The following PDE7A variants were observed in gnomAD, a reference collection of about 807,000 sequenced individuals.
PDE7A encodes phosphodiesterase 7A, also known as high affinity 3',5'-cyclic-AMP phosphodiesterase 7A.
In PDE7A, 39 loss-of-function variants were observed where a neutral mutation model predicts 64.3. The observed-to-expected ratio is 0.61, with a 90% CI of 0.47 to 0.79. PDE7A has a LOEUF of 0.79. Ranked by LOEUF, PDE7A falls within the 30% of genes least tolerant of loss-of-function variation. The probability of loss-of-function intolerance (pLI) is 0.00; values close to 1 mark genes in which losing one functional copy is unlikely to be tolerated. For synonymous variants in PDE7A, 203 were observed against 206.8 expected, an observed-to-expected ratio of 0.98 and a Z score of 0.16; for missense variants, 470 against 582.8, an observed-to-expected ratio of 0.81 and a Z score of 1.99.
At chr8:65,772,296 G>A (rs1453096827) in intron 3 of PDE7A, among the ~76,000 whole-genome samples, 1 of 152,146 alleles carries the variant, frequency 6.6e-6, no homozygotes, top group African/African-American at 2.4e-5. Context: ...ATTTCAGCAT[G>A]CATGTAAATT....
intron 5 of PDE7A, among the ~76,000 whole-genome samples, chr8:65,740,036 T>C (rs1308898853): frequency 6.6e-6 from 1 of 152,058 alleles, no homozygotes; most frequent in Non-Finnish European, 1.5e-5. Flanking sequence ...CCTTGTTAGG[T>C]GGAGAATGTG....
At chr8:65,734,092 G>C (rs553365079) in intron 7 of PDE7A, among the ~76,000 whole-genome samples, 1 of 152,172 alleles carries the variant, frequency 6.6e-6, no homozygotes, top group East Asian at 1.9e-4. Context: ...CTCTATATTA[G>C]GATGTCAAAT....
intron 3 of PDE7A, among the ~76,000 whole-genome samples, chr8:65,767,706 T>C (rs1298521575): frequency 6.6e-6 from 1 of 152,158 alleles, no homozygotes; most frequent in African/African-American, 2.4e-5. Context: ...GCTTAACATG[T>C]AGAGTTTCTT....
Position 65,718,363 on chromosome 8 carries a change from C to A in PDE7A, c.*927G>T, listed in dbSNP as rs879017640. On this transcript the variant is annotated 3_prime_UTR_variant, in exon 13 of 13. Transcript: ENST00000401827. ...CGAAAGGGACTTTAGTACCCTTGAT[C>A]TGAAGGACACACTCTCCCATCCCAC... 1.3e-5 allele frequency: 2 copies of A among 152,254 alleles called. No individual in the cohort carries two copies. Among genetic ancestry groups the A allele is most frequent in the African/African-American group, 4.8e-5 (2 of 41,448 alleles). 9.4% of individuals were successfully genotyped at this position (152,254 alleles called of 1,614,324 possible). A position where few individuals can be genotyped will look rare whatever the true frequency, so the allele number is the denominator to read the frequency against.
At chr8:65,737,943 T>C (rs1288219824) in intron 6 of PDE7A, among the ~76,000 whole-genome samples, 7 of 152,238 alleles carry the variant, frequency 4.6e-5, no homozygotes, top group African/African-American at 1.4e-4. Flanking sequence ...CTACTTAAAA[T>C]TGAAAGATTT....
chr8:65,768,510 G>A lies in PDE7A; in HGVS notation c.283+11210C>T, dbSNP rs185870760. On this transcript the variant is annotated intron_variant, in intron 3 of 12. Transcript: ENST00000401827. Reference sequence around the variant, plus strand: ...TGAGATGTGCCTTTCACCTTCGGCCGTAATTGTGAGGCCTCCCCAGCCAGG... The same window carrying A: ...TGAGATGTGCCTTTCACCTTCGGCCATAATTGTGAGGCCTCCCCAGCCAGG... 1.6e-4 allele frequency among the ~76,000 whole-genome samples: 24 copies of A among 152,276 alleles called. 1 individual carries two copies. Among genetic ancestry groups the A allele is most frequent in the Admixed American group, 9.2e-4 (14 of 15,288 alleles).
intron 1 of PDE7A, among the ~76,000 whole-genome samples, chr8:65,836,348 C>T (rs1216469485): frequency 6.6e-6 from 1 of 152,196 alleles, no homozygotes; most frequent in Non-Finnish European, 1.5e-5. Flanking sequence ...TCAGAAAGCA[C>T]ACTCTTGCTT....
intron 1 of PDE7A, among the ~76,000 whole-genome samples, chr8:65,798,195 TATATA>T (rs1563511765): frequency 1.2e-4 from 3 of 25,492 alleles, no homozygotes; most frequent in South Asian, 1.4e-3. Context: ...TATATATATA[TATATA>T]TATATATTTT....
chr8:65,788,754 A>T, intron 1 of PDE7A: 1 of 578,400 alleles, frequency 1.7e-6, no homozygotes. Context: ...CGACAGATGA[A>T]ACTCACAGCT....
intron 1 of PDE7A, among the ~76,000 whole-genome samples, chr8:65,816,338 A>T (rs75995222): frequency 0.057 from 8,687 of 152,302 alleles, 358 homozygotes; most frequent in Middle Eastern, 0.11. Flanking sequence ...GTAATGTTAG[A>T]TACTAAATTT....
At chr8:65,788,921 C>T in intron 1 of PDE7A, 1 of 1,613,210 alleles carries the variant, frequency 6.2e-7, no homozygotes, top group South Asian at 1.1e-5. Context: ...AGGCCAGACA[C>T]CAGATCAATG....
At chr8:65,735,787 G>A (rs552499708) in intron 6 of PDE7A, among the ~76,000 whole-genome samples, 10 of 151,868 alleles carry the variant, frequency 6.6e-5, no homozygotes, top group African/African-American at 1.5e-4. Context: ...CATCATGCTC[G>A]GCTAATTTTT....
intron 1 of PDE7A, among the ~76,000 whole-genome samples, chr8:65,805,509 C>T (rs1810088990): frequency 6.6e-6 from 1 of 152,188 alleles, no homozygotes; most frequent in South Asian, 2.1e-4. Context: ...TTCTAATTAA[C>T]CTGTTCTGGG....
intron 1 of PDE7A, among the ~76,000 whole-genome samples, chr8:65,831,719 A>T (rs887682310): frequency 7.9e-5 from 12 of 152,072 alleles, no homozygotes; most frequent in Admixed American, 1.3e-4. Flanking sequence ...GACTATCCTT[A>T]TCTAAATACC....
chr8:65,780,074 G>A (rs1258461930), intron 2 of PDE7A, among the ~76,000 whole-genome samples: 3 of 151,446 alleles, frequency 2.0e-5, no homozygotes, highest in Non-Finnish European at 4.4e-5. Context: ...TTCTGAAAGA[G>A]GATTCAAGTG....
chr8:65,776,847 C>A (rs978862087), intron 3 of PDE7A, among the ~76,000 whole-genome samples: 4 of 152,002 alleles, frequency 2.6e-5, no homozygotes, highest in Non-Finnish European at 5.9e-5. Context: ...CTTTTCATTT[C>A]TTTTTCTTGC....
intron 1 of PDE7A, among the ~76,000 whole-genome samples, chr8:65,830,855 A>G (rs1810800353): frequency 6.6e-6 from 1 of 152,120 alleles, no homozygotes; most frequent in African/African-American, 2.4e-5. Flanking sequence ...AGAAAAATAT[A>G]ACATGATTGA....
intron 1 of PDE7A, among the ~76,000 whole-genome samples, chr8:65,815,408 A>G (rs918239754): frequency 1.1e-4 from 16 of 152,186 alleles, no homozygotes; most frequent in African/African-American, 3.1e-4. Context: ...CACTTTAGAG[A>G]CAGGATCTGG....
intron 1 of PDE7A, among the ~76,000 whole-genome samples, chr8:65,787,039 A>G (rs1229804346): frequency 1.3e-5 from 2 of 152,218 alleles, no homozygotes; most frequent in Non-Finnish European, 2.9e-5. Context: ...TGTTCCCAAT[A>G]TTAGTTAATA....
Sources: gnomAD v4.1 joint callset for allele counts (sites outside exome capture counted in the v4.1 genomes callset) on GRCh38, gnomAD v4.1.1 for gene constraint, MANE v1.5 for transcripts, NCBI Gene and HGNC (gene_info 2026-07-23, HGNC 2026-07-21) for gene names.